Variants in CLYBL observed in about 807,000 individuals in gnomAD.
CLYBL encodes citramalyl-CoA lyase.
In CLYBL, 31 loss-of-function variants were observed where a neutral mutation model predicts 38.9. That is an observed-to-expected ratio of 0.80 (90% CI 0.60 to 1.08). The LOEUF is 1.08. Ranked by LOEUF, CLYBL falls within the 50% of genes least tolerant of loss-of-function variation. The pLI is 0.00. For missense variants in CLYBL, 434 were observed against 411.6 expected, an observed-to-expected ratio of 1.05 and a Z score of -0.47; for synonymous variants, 171 against 158.6, an observed-to-expected ratio of 1.08 and a Z score of -0.59.
chr13:99,760,421 A>G (rs1345440180), intron 1 of CLYBL, among the ~76,000 whole-genome samples: 2 of 152,076 alleles, frequency 1.3e-5, no homozygotes, highest in African/African-American at 2.4e-5. Flanking sequence ...TTTTCATTTC[A>G]TGTTTTCATA....
intron 2 of CLYBL, among the ~76,000 whole-genome samples, chr13:99,819,815 G>T (rs1378229942): frequency 2.6e-5 from 4 of 152,038 alleles, no homozygotes; most frequent in Non-Finnish European, 4.4e-5. Flanking sequence ...ATTGGATGAT[G>T]CCTGCCCACC....
At chr13:99,617,738 T>G (rs1179188270) in intron 1 of CLYBL, among the ~76,000 whole-genome samples, 1 of 152,178 alleles carries the variant, frequency 6.6e-6, no homozygotes, top group Non-Finnish European at 1.5e-5. Flanking sequence ...AACGGTCCCT[T>G]TAAAAGTTTA....
intron 2 of CLYBL, among the ~76,000 whole-genome samples, chr13:99,841,771 C>T (rs976079235): frequency 3.3e-5 from 5 of 151,666 alleles, no homozygotes; most frequent in African/African-American, 1.2e-4. Context: ...AACAGGAACA[C>T]CTATGTATTT....
At chr13:99,827,954 T>C (rs774515893) in intron 2 of CLYBL, among the ~76,000 whole-genome samples, 4 of 152,110 alleles carry the variant, frequency 2.6e-5, no homozygotes, top group Non-Finnish European at 5.9e-5. Context: ...CATTAGAAAA[T>C]TGCATAGTCT....
chr13:99,833,007 C>CACATATATATATAT (rs1555314794), intron 2 of CLYBL, among the ~76,000 whole-genome samples: 1 of 51,574 alleles, frequency 1.9e-5, no homozygotes, highest in African/African-American at 7.7e-5. Context: ...TACATACATA[C>CACATATATATATAT]ATATATATAT....
intron 1 of CLYBL, among the ~76,000 whole-genome samples, chr13:99,716,476 C>G (rs1970474): frequency 6.7e-6 from 1 of 150,090 alleles, no homozygotes; most frequent in African/African-American, 2.4e-5. Flanking sequence ...CTCCGCCTCC[C>G]GGGTCCAAAT....
chr13:99,826,985 G>T (rs1006503605), intron 2 of CLYBL, among the ~76,000 whole-genome samples: 1 of 152,194 alleles, frequency 6.6e-6, no homozygotes, highest in African/African-American at 2.4e-5. Flanking sequence ...ATAATTCCAG[G>T]TGCCAAGATC....
At chr13:99,775,602 G>A (rs2049495323) in intron 2 of CLYBL, among the ~76,000 whole-genome samples, 2 of 151,976 alleles carry the variant, frequency 1.3e-5, no homozygotes. Context: ...TCCAACTCCT[G>A]GGCTCAAGCA....
intron 2 of CLYBL, among the ~76,000 whole-genome samples, chr13:99,792,998 C>A (rs2049948356): frequency 6.6e-6 from 1 of 151,258 alleles, no homozygotes; most frequent in South Asian, 2.1e-4. Flanking sequence ...TTTGTGCTCT[C>A]ATTTATACTT....
rs1379069852 is a variant in CLYBL, at chr13:99,819,432, AT to A, written c.250-39428del. Among the ~76,000 whole-genome samples the A allele has an allele frequency of 1.4e-3, 69 of 47,816 alleles. 4 individuals are homozygous for A. In the South Asian group the frequency reaches 0.023, roughly 16 times the overall value. 31.4% of individuals were successfully genotyped at this position (47,816 alleles called of 152,430 possible). A position where few individuals can be genotyped will look rare whatever the true frequency, so the allele number is the denominator to read the frequency against. ...GGAAAAAATTTATATATATATATATATATATATATATATATATATATATATA... is the reference window on the plus strand; with the variant it reads ...GGAAAAAATTTATATATATATATATAATATATATATATATATATATATATA... On this transcript the variant is annotated intron_variant, in intron 2 of 8. Coordinates refer to ENST00000339105, the MANE Select transcript of CLYBL (RefSeq NM_206808.5).
rs1014483515 is a variant in CLYBL, at chr13:99,858,841, C to T, written c.250-20C>T. The T allele has an allele frequency of 4.5e-6, 7 of 1,558,618 alleles. No individual in the cohort carries two copies. The highest frequency in any genetic ancestry group is 6.1e-6 in the Non-Finnish European group (7 of 1,150,040). Reference sequence around the variant, plus strand: ...CTCAATGATAAAAATAAACAATAAACTTTTTATTGACACTTACAGAATGAA... The same window carrying T: ...CTCAATGATAAAAATAAACAATAAATTTTTTATTGACACTTACAGAATGAA... On this transcript the variant is annotated intron_variant, in intron 2 of 8. Coordinates refer to ENST00000339105, the MANE Select transcript of CLYBL (RefSeq NM_206808.5).
chr13:99,633,534 C>A (rs1484954006), intron 1 of CLYBL, among the ~76,000 whole-genome samples: 249 of 121,546 alleles, frequency 2.0e-3, no homozygotes, highest in Middle Eastern at 4.9e-3. Context: ...GACTCTGTCT[C>A]AAAAAAAAAA....
At chr13:99,744,497 C>T (rs1183022409) in intron 1 of CLYBL, among the ~76,000 whole-genome samples, 1 of 152,120 alleles carries the variant, frequency 6.6e-6, no homozygotes, top group Non-Finnish European at 1.5e-5. Context: ...TCTGAGCGGC[C>T]AGCAGTCTGC....
chr13:99,734,055 A>G (rs559360008), intron 1 of CLYBL, among the ~76,000 whole-genome samples: 191 of 152,338 alleles, frequency 1.3e-3, no homozygotes, highest in Non-Finnish European at 2.3e-3. Context: ...ACGAAAACCT[A>G]TGATCCTTAA....
chr13:99,811,431 T>G (rs2050339082), intron 2 of CLYBL, among the ~76,000 whole-genome samples: 2 of 152,006 alleles, frequency 1.3e-5, no homozygotes, highest in African/African-American at 4.8e-5. Flanking sequence ...CAGGGAAGGA[T>G]GGGGGTGGGA....
chr13:99,803,842 G>A (rs766703281), intron 2 of CLYBL, among the ~76,000 whole-genome samples: 2 of 152,080 alleles, frequency 1.3e-5, no homozygotes, highest in Admixed American at 6.6e-5. Flanking sequence ...AGACATTCGC[G>A]GTCACACTAA....
intron 1 of CLYBL, among the ~76,000 whole-genome samples, chr13:99,770,076 C>CTTTTTTTTTTT (rs68172402): frequency 8.2e-6 from 1 of 121,964 alleles, no homozygotes; most frequent in Non-Finnish European, 1.9e-5. Flanking sequence ...TTTTTCTTTT[C>CTTTTTTTTTTT]TTTCTTTTTT....
chr13:99,858,764 C>A, intron 2 of CLYBL, 97 bp from the exon 3 acceptor site: 1 of 789,146 alleles, frequency 1.3e-6, no homozygotes, highest in Non-Finnish European at 2.0e-6. Flanking sequence ...AATAATGGTG[C>A]TCAGACTCTG....
intron 1 of CLYBL, among the ~76,000 whole-genome samples, chr13:99,758,765 T>C (rs953106566): frequency 2.0e-5 from 3 of 152,266 alleles, no homozygotes; most frequent in African/African-American, 7.2e-5. Flanking sequence ...CTTCTTTACA[T>C]TATTTCAAAC....
Sources: allele counts gnomAD v4.1 joint callset (sites outside exome capture counted in the v4.1 genomes callset), GRCh38; gene constraint gnomAD v4.1.1; transcripts MANE v1.5; gene names NCBI Gene and HGNC (gene_info 2026-07-23, HGNC 2026-07-21).